STK17A: variants seen among roughly 807,000 people sequenced by gnomAD.
STK17A encodes the protein serine/threonine kinase 17a, also known as serine/threonine-protein kinase 17A.
In STK17A, 26 loss-of-function variants were observed where a neutral mutation model predicts 43.7. The observed-to-expected ratio is 0.60, with a 90% CI of 0.44 to 0.83. The LOEUF (loss-of-function observed/expected upper bound fraction) is 0.83. STK17A is among the 40% of genes least tolerant of loss of function. STK17A has a pLI of 0.00. For synonymous variants in STK17A, 191 were observed against 182.5 expected (o/e 1.05, Z -0.38); for missense variants, 476 against 511.6 (o/e 0.93, Z 0.67).
chr7:43,608,294 A>G lies in STK17A; in HGVS notation c.458A>G (p.Asp153Gly), dbSNP rs61732519. Reference sequence around the variant, plus strand: ...GAAATCTTTGACCAGTGTGTTGCAGACAGAGAAGAAGCCTTTAAAGAAAAA... The same window carrying G: ...GAAATCTTTGACCAGTGTGTTGCAGGCAGAGAAGAAGCCTTTAAAGAAAAA... ...GGEIFDQCVADREEAFKEKDV... is the reference protein window; with the variant it reads ...GGEIFDQCVAGREEAFKEKDV... Residue 153 changes from aspartate to glycine, a missense_variant, in exon 3 of 7, where the codon GAC becomes GGC. This residue lies in a region of STK17A where 320 missense variants were observed against 326.3 expected (regional missense o/e 0.98). Transcript: ENST00000319357. 448 of 1,614,092 alleles carry G rather than the reference A, an allele frequency of 2.8e-4. No homozygotes were observed. In the African/African-American group the frequency reaches 5.2e-3, roughly 19 times the overall value.
Position 43,624,724 on chromosome 7 carries a change from A to G in STK17A, c.1127A>G (p.Tyr376Cys), listed in dbSNP as rs2084305383. ...VTEELIVVTSYTLGQCRQSEK... is the reference protein window; with the variant it reads ...VTEELIVVTSCTLGQCRQSEK... ...GAAGAGTTAATTGTAGTTACTTCAT[A>G]TACTCTAGGACAATGCAGACAGTCT... The change falls in exon 7 of 7, where the codon TAT becomes TGT. Residue 376 changes from tyrosine (Y) to cysteine (C), a missense_variant. Tyr to Cys is a radical substitution (Grantham distance 194). Around this residue, in one of 3 missense-constraint regions of STK17A, gnomAD observed 110 missense variants for 103.7 expected, o/e 1.06. Coordinates refer to ENST00000319357, the MANE Select transcript of STK17A (RefSeq NM_004760.3). The G allele has an allele frequency of 3.7e-6, 6 of 1,614,094 alleles. No homozygotes were observed. The highest frequency in any genetic ancestry group is 5.1e-6 in the Non-Finnish European group (6 of 1,179,966).
At chr7:43,617,142 C>A (rs80282573) in intron 3 of STK17A, among the ~76,000 whole-genome samples, 2 of 150,542 alleles carry the variant, frequency 1.3e-5, no homozygotes, top group Non-Finnish European at 2.9e-5. Flanking sequence ...TTCATGGAGC[C>A]GGGGGATCAT....
chr7:43,591,054 C>G (rs1387303676), intron 1 of STK17A, among the ~76,000 whole-genome samples: 1 of 151,388 alleles, frequency 6.6e-6, no homozygotes, highest in African/African-American at 2.4e-5. Context: ...TGAAGGGTCC[C>G]CCTCCCATTG....
intron 2 of STK17A, among the ~76,000 whole-genome samples, chr7:43,605,034 C>G (rs2082579605): frequency 6.6e-6 from 1 of 152,148 alleles, no homozygotes. Context: ...CCTTTTGGTT[C>G]TTTTTGTAAC....
intron 2 of STK17A, among the ~76,000 whole-genome samples, chr7:43,606,999 T>C: frequency 7.0e-6 from 1 of 142,482 alleles, no homozygotes; most frequent in Admixed American, 7.3e-5. Flanking sequence ...TCTCGGTTCA[T>C]CCCAACTTCT....
rs1260082945 is a variant in STK17A at position 43,624,828 on chromosome 7, G to A, written c.1231G>A (p.Glu411Lys). ...ACCTTTGCTACAAGAAATTCCAGGA[G>A]AATTTATCTACTGAGCAATATTTCC... ...EEPLLQEIPG[E>K]FIY Residue 411 changes from glutamate to lysine, a missense_variant, in exon 7 of 7, where the codon GAA becomes AAA. Around this residue, in one of 3 missense-constraint regions of STK17A, gnomAD observed 110 missense variants for 103.7 expected, o/e 1.06. Coordinates refer to ENST00000319357, the MANE Select transcript of STK17A (RefSeq NM_004760.3). The A allele has an allele frequency of 8.7e-6, 14 of 1,601,122 alleles. No individual in the cohort carries two copies. The highest frequency in any genetic ancestry group is 1.0e-5 in the Non-Finnish European group (12 of 1,173,566).
chr7:43,601,435 C>T (rs952494720), intron 2 of STK17A, among the ~76,000 whole-genome samples: 1 of 152,130 alleles, frequency 6.6e-6, no homozygotes, highest in Non-Finnish European at 1.5e-5. Context: ...GAGCCCGCTG[C>T]TTACCAAGGA....
chr7:43,589,941 T>TAA (rs2082468223), intron 1 of STK17A, among the ~76,000 whole-genome samples: 2 of 86,684 alleles, frequency 2.3e-5, no homozygotes, highest in African/African-American at 6.4e-5. Flanking sequence ...AATTTTAATT[T>TAA]TATTTTATTT....
Position 43,624,794 on chromosome 7 carries a change from AT to A in STK17A, c.1200del (p.Phe400LeufsTer79). The A allele has an allele frequency of 1.2e-6, 2 of 1,610,288 alleles. No homozygotes were observed. Among genetic ancestry groups the A allele is most frequent in the Non-Finnish European group, 1.7e-6 (2 of 1,177,934 alleles). ...EQKAISKRFK[F>X]EEPLLQEIPG... is the part of the protein sequence containing the mutation. ...AAAAGGCCATTTCCAAACGATTTAA[AT>A]TTGAGGAACCTTTGCTACAAGAAAT... On this transcript the variant is annotated frameshift_variant, in exon 7 of 7. Coordinates refer to ENST00000319357, the MANE Select transcript of STK17A (RefSeq NM_004760.3). LOFTEE classifies it high-confidence loss of function.
intron 2 of STK17A, among the ~76,000 whole-genome samples, chr7:43,601,903 A>T (rs1436440344): frequency 6.6e-6 from 1 of 151,948 alleles, no homozygotes; most frequent in African/African-American, 2.4e-5. Flanking sequence ...TGTCCTTTTA[A>T]CACCCCCACC....
At chr7:43,584,919 G>A (rs1018807899) in intron 1 of STK17A, among the ~76,000 whole-genome samples, 2 of 152,172 alleles carry the variant, frequency 1.3e-5, no homozygotes, top group African/African-American at 4.8e-5. Flanking sequence ...AAAACTGGCC[G>A]GGCGCAGTGG....
intron 2 of STK17A, among the ~76,000 whole-genome samples, chr7:43,604,689 A>G (rs1332863282): frequency 6.6e-6 from 1 of 152,090 alleles, no homozygotes; most frequent in African/African-American, 2.4e-5. Flanking sequence ...CTTGGAGTTC[A>G]TTGAGCTACT....
intron 1 of STK17A, among the ~76,000 whole-genome samples, chr7:43,594,264 G>GAA (rs10624924): frequency 0.26 from 38,231 of 146,676 alleles, 5,736 homozygotes; most frequent in Non-Finnish European, 0.34. Context: ...TCTCTTAAAG[G>GAA]AAAAAAAAAA....
intron 3 of STK17A, among the ~76,000 whole-genome samples, chr7:43,610,812 G>A (rs111506357): frequency 6.6e-4 from 100 of 151,520 alleles, no homozygotes; most frequent in Admixed American, 2.0e-3. Context: ...GCATGAAGGC[G>A]CACTCTCAAG....
At position 43,590,765 on chromosome 7, in the gene STK17A, G is replaced by C. The variant is rs2082474270; in HGVS notation, c.207-5136G>C. On this transcript the variant is annotated intron_variant, in intron 1 of 6. Coordinates refer to ENST00000319357, the MANE Select transcript of STK17A (RefSeq NM_004760.3). ...TATAACCATGGCCCATAATGTCAGGGAAACATCATTTTTAAAATGTTTTGT... is the reference window on the plus strand; with the variant it reads ...TATAACCATGGCCCATAATGTCAGGCAAACATCATTTTTAAAATGTTTTGT... Among the ~76,000 whole-genome samples, 3 of 151,356 alleles carry C rather than the reference G, an allele frequency of 2.0e-5. 1 individual carries two copies. Among genetic ancestry groups the C allele is most frequent in the Non-Finnish European group, 4.4e-5 (3 of 67,564 alleles).
chr7:43,616,591 C>T (rs1364655964), intron 3 of STK17A, among the ~76,000 whole-genome samples: 2 of 152,098 alleles, frequency 1.3e-5, no homozygotes, highest in African/African-American at 2.4e-5. Context: ...GAAGGTAAGA[C>T]CCTTTTTAAA....
At chr7:43,597,976 C>G (rs1018583590) in intron 2 of STK17A, among the ~76,000 whole-genome samples, 12 of 151,828 alleles carry the variant, frequency 7.9e-5, no homozygotes. Context: ...ATTTAGGAAA[C>G]ATAAAAATAA....
intron 2 of STK17A, among the ~76,000 whole-genome samples, chr7:43,607,605 C>T (rs865898442): frequency 2.1e-5 from 3 of 143,226 alleles, no homozygotes; most frequent in Non-Finnish European, 4.5e-5. Context: ...GCTGAGATCA[C>T]GCCACTGCAC....
At chr7:43,603,428 T>C (rs2082568751) in intron 2 of STK17A, among the ~76,000 whole-genome samples, 1 of 152,188 alleles carries the variant, frequency 6.6e-6, no homozygotes, top group Non-Finnish European at 1.5e-5. Flanking sequence ...GTGCACTAGA[T>C]ACTAATAGGT....
Sources: allele counts gnomAD v4.1 joint callset (sites outside exome capture counted in the v4.1 genomes callset), GRCh38; gene constraint gnomAD v4.1.1; regional missense constraint gnomAD v4.1.1; transcripts MANE v1.5; gene names NCBI Gene and HGNC (gene_info 2026-07-23, HGNC 2026-07-21).